The following CDC27 variants were observed in gnomAD, a reference collection of about 807,000 sequenced individuals.
CDC27 encodes the protein cell division cycle protein 27 homolog.
Under a neutral mutation model 109.7 loss-of-function variants are expected in CDC27, and 27 were observed. The observed-to-expected ratio is 0.25, with a 90% CI of 0.18 to 0.34. The LOEUF (loss-of-function observed/expected upper bound fraction) is 0.34. Ranked by LOEUF, CDC27 falls within the 10% of genes least tolerant of loss-of-function variation. The pLI is 1.00. For synonymous variants in CDC27, 266 were observed against 333.9 expected (o/e 0.80, Z 2.22); for missense variants, 579 against 960.2 (o/e 0.60, Z 5.25).
chr17:47,157,008 T>C lies in CDC27; in HGVS notation c.747A>G (p.Thr249=), dbSNP rs1417940410. The stretch of plus-strand genomic sequence containing the variant: ...CCTGTTTAGATAATATGGAAGTTCC[T>C]GTTCCCAGTGGGACAGTATCAGGTG... ...VISPDTVPLG[T]GTSILSKQVQ... The change falls in exon 7 of 19, where the codon ACA becomes ACG. Residue 249 remains threonine (T), a synonymous_variant. Coordinates refer to ENST00000066544, the MANE Select transcript of CDC27 (RefSeq NM_001256.6). 2.6e-6 allele frequency: 4 copies of C among 1,568,440 alleles called. No homozygotes were observed.
chr17:47,185,383 C>T (rs959881690), intron 1 of CDC27, among the ~76,000 whole-genome samples: 24 of 152,110 alleles, frequency 1.6e-4, no homozygotes, highest in African/African-American at 5.3e-4. Context: ...AATGGTTTCA[C>T]CCTGTTGGCC....
intron 16 of CDC27, 101 bp downstream of exon 16, chr17:47,129,292 C>G: frequency 1.1e-6 from 1 of 924,868 alleles, no homozygotes; most frequent in Non-Finnish European, 1.6e-6. Flanking sequence ...AAAAATGTCT[C>G]AGATCAAAAT....
At chr17:47,166,413 G>A (rs1401547972) in intron 4 of CDC27, among the ~76,000 whole-genome samples, 1 of 152,094 alleles carries the variant, frequency 6.6e-6, no homozygotes, top group Non-Finnish European at 1.5e-5. Flanking sequence ...TAAGTTTTCA[G>A]CATACACATC....
chr17:47,149,308 C>T (rs1474304569), intron 9 of CDC27, among the ~76,000 whole-genome samples: 2 of 151,094 alleles, frequency 1.3e-5, no homozygotes, highest in Admixed American at 6.6e-5. Context: ...GTCAAGAGAT[C>T]GGGACCATCC....
At chr17:47,123,622 G>C (rs11570568) in intron 17 of CDC27, among the ~76,000 whole-genome samples, 12,505 of 151,760 alleles carry the variant, frequency 0.082, 594 homozygotes, top group African/African-American at 0.12. Context: ...ATGTTGGTCA[G>C]GCTGGTCTTA....
chr17:47,149,267 C>T (rs12950715), intron 9 of CDC27, among the ~76,000 whole-genome samples: 12,217 of 151,348 alleles, frequency 0.081, 565 homozygotes, highest in African/African-American at 0.11. Flanking sequence ...AATCCCAGCA[C>T]TTCGGGAGGC....
chr17:47,170,028 T>A lies in CDC27; in HGVS notation c.266A>T (p.Glu89Val). 6.5e-7 allele frequency: 1 copy of A among 1,530,856 alleles called. No homozygotes were observed. Among genetic ancestry groups the A allele is most frequent in the South Asian group, 1.3e-5 (1 of 77,228 alleles). The allele number at this position is 1,530,856 out of a possible 1,614,324, so 94.8% of individuals were successfully genotyped here. Residue 89 changes from glutamate (E) to valine (V), a missense_variant, in exon 4 of 19, where the codon GAA becomes GTA. By Grantham distance (121) the Glu-to-Val change is moderately radical. Around this residue, in one of 9 missense-constraint regions of CDC27, gnomAD observed 52 missense variants for 63.4 expected, o/e 0.82. Transcript: ENST00000066544. ...CVDLSKLAEG[E>V]QILSGGVFNK... is the part of the protein sequence containing the mutation. ...AAACACTCCACCAGATAAGATTTGTTCCCCTTCTGCAAGCCTTTAAAATAC... is the reference window on the plus strand; with the variant it reads ...AAACACTCCACCAGATAAGATTTGTACCCCTTCTGCAAGCCTTTAAAATAC...
In CDC27 at chr17:47,132,777, A is replaced by ATTATTATTG. The variant is rs370648589; in HGVS notation, c.1914-404_1914-403insCAATAATAA. On this transcript the variant is annotated intron_variant, in intron 14 of 18. Transcript: ENST00000066544. Reference sequence around the variant, plus strand: ...TATTATTATTATTATTATTATTATTATTATATTTTAAAGATAGCACCTCAC... The same window carrying ATTATTATTG: ...TATTATTATTATTATTATTATTATTATTATTATTGTTATATTTTAAAGATAGCACCTCAC... Among the ~76,000 whole-genome samples the ATTATTATTG allele has an allele frequency of 5.2e-3, 697 of 132,808 alleles. 4 individuals carry two copies. Among genetic ancestry groups the ATTATTATTG allele is most frequent in the East Asian group, 0.021 (97 of 4,516 alleles). The allele number at this position is 132,808 out of a possible 152,430, so 87.1% of individuals were successfully genotyped here.
rs200061079 is a variant in CDC27, at chr17:47,154,727, T to C, written c.902A>G (p.Tyr301Cys). The change falls in exon 8 of 19, where the codon TAC becomes TGC. Residue 301 changes from tyrosine to cysteine, a missense_variant. Tyr to Cys is a radical substitution (Grantham distance 194). Around this residue, in one of 9 missense-constraint regions of CDC27, gnomAD observed 74 missense variants for 148.9 expected, o/e 0.50. Transcript: ENST00000066544. ...ATCAATTACAGGAGGTGTATTAGTGTAGTTTTGTAAATAGGATCCATCTCC... is the reference window on the plus strand; with the variant it reads ...ATCAATTACAGGAGGTGTATTAGTGCAGTTTTGTAAATAGGATCCATCTCC... Reference protein sequence around the residue: ...SPGDGSYLQNYTNTPPVIDVP... With the variant: ...SPGDGSYLQNCTNTPPVIDVP... 1 of 1,610,836 alleles carries C rather than the reference T, an allele frequency of 6.2e-7. No individual in the cohort carries two copies. Among genetic ancestry groups the C allele is most frequent in the Non-Finnish European group, 8.5e-7 (1 of 1,178,054 alleles).
intron 3 of CDC27, chr17:47,170,890 CA>C (rs1398016852): frequency 6.6e-6 from 1 of 152,154 alleles, no homozygotes; most frequent in Non-Finnish European, 1.5e-5. Context: ...AGCTTGAACC[CA>C]AGAGTTCAAA....
chr17:47,176,963 T>G (rs1284609634), intron 2 of CDC27, among the ~76,000 whole-genome samples: 1 of 152,198 alleles, frequency 6.6e-6, no homozygotes, highest in African/African-American at 2.4e-5. Context: ...TCTGTGAGTT[T>G]GGGCTCTCAG....
chr17:47,172,422 C>T (rs1735490868), intron 2 of CDC27, among the ~76,000 whole-genome samples: 5 of 151,834 alleles, frequency 3.3e-5, no homozygotes, highest in Admixed American at 2.0e-4. Flanking sequence ...ATAAATCTTT[C>T]GGGAGGATAG....
intron 10 of CDC27, among the ~76,000 whole-genome samples, chr17:47,142,647 C>G (rs1022728972): frequency 1.3e-5 from 2 of 152,112 alleles, no homozygotes; most frequent in Admixed American, 1.3e-4. Context: ...CTAATAGTGA[C>G]TAAGGTGTGT....
At chr17:47,155,580 T>C (rs2063281449) in intron 7 of CDC27, among the ~76,000 whole-genome samples, 1 of 152,196 alleles carries the variant, frequency 6.6e-6, no homozygotes, top group Non-Finnish European at 1.5e-5. Context: ...TTGATACTTT[T>C]GGATATGTAT....
intron 1 of CDC27, chr17:47,188,660 A>C (rs2064543700): frequency 1.5e-6 from 1 of 677,318 alleles, no homozygotes; most frequent in Non-Finnish European, 1.8e-6. Flanking sequence ...CCAAAATAGA[A>C]ATTAGTATTA....
rs757464412 is a variant in CDC27 at position 47,157,235 on chromosome 17, T to C, written c.625A>G (p.Thr209Ala). ...CTAGAATATAAGACACTTACAATTGTGTCCTGGGGTGTTTCCGTAAGAACT... is the reference window on the plus strand; with the variant it reads ...CTAGAATATAAGACACTTACAATTGCGTCCTGGGGTGTTTCCGTAAGAACT... The part of the protein sequence containing the change: ...ETVLTETPQD[T>A]IELNRLNLES... Residue 209 changes from threonine to alanine, a missense_variant, in exon 6 of 19, where the codon ACA becomes GCA. Coordinates refer to ENST00000066544, the MANE Select transcript of CDC27 (RefSeq NM_001256.6). 7.5e-6 allele frequency: 12 copies of C among 1,607,190 alleles called. No homozygotes were observed. The highest frequency in any genetic ancestry group is 1.0e-5 in the Non-Finnish European group (12 of 1,177,522).
chr17:47,132,056 T>A (rs1414623049), intron 15 of CDC27, among the ~76,000 whole-genome samples: 1 of 138,566 alleles, frequency 7.2e-6, no homozygotes, highest in African/African-American at 2.7e-5. Flanking sequence ...CTCAGAGCAA[T>A]GAAGTGACTT....
intron 4 of CDC27, among the ~76,000 whole-genome samples, chr17:47,164,481 C>T (rs1419331511): frequency 2.0e-5 from 3 of 152,148 alleles, no homozygotes; most frequent in Non-Finnish European, 1.5e-5. Flanking sequence ...CTGACATAAC[C>T]ATAGTACAGT....
chr17:47,172,388 T>C (rs933120345), intron 2 of CDC27, among the ~76,000 whole-genome samples: 1 of 152,128 alleles, frequency 6.6e-6, no homozygotes, highest in African/African-American at 2.4e-5. Context: ...GTAAAGGATC[T>C]TGTTTTTAGG....
Sources: allele counts gnomAD v4.1 joint callset (sites outside exome capture counted in the v4.1 genomes callset), GRCh38; gene constraint gnomAD v4.1.1; regional missense constraint gnomAD v4.1.1; transcripts MANE v1.5; gene names NCBI Gene and HGNC (gene_info 2026-07-23, HGNC 2026-07-21).